The following BNC2 variants were observed in gnomAD, a reference collection of about 807,000 sequenced individuals.
The protein encoded by BNC2 is basonuclin zinc finger protein 2.
Under a neutral mutation model 76.3 loss-of-function variants are expected in BNC2, and 20 were observed. The observed-to-expected ratio is 0.26, with a 90% CI of 0.18 to 0.38. BNC2 has a LOEUF of 0.38. Among genes scored for constraint, BNC2 ranks in the 10% least tolerant of loss-of-function variants. BNC2 has a pLI of 1.00. For synonymous variants in BNC2, 582 were observed against 514.8 expected, an observed-to-expected ratio of 1.13 and a Z score of -1.77; for missense variants, 1,382 against 1,399.8, an observed-to-expected ratio of 0.99 and a Z score of 0.20.
intron 1 of BNC2, among the ~76,000 whole-genome samples, chr9:16,781,822 G>A (rs1403254801): frequency 6.6e-6 from 1 of 152,014 alleles, no homozygotes; most frequent in Non-Finnish European, 1.5e-5. Context: ...CCAATGATAT[G>A]AACACAATGT....
chr9:16,779,749 T>C (rs1251485991), intron 1 of BNC2, among the ~76,000 whole-genome samples: 1 of 152,164 alleles, frequency 6.6e-6, no homozygotes, highest in African/African-American at 2.4e-5. Flanking sequence ...TATAGTATAA[T>C]TCCATTTGTA....
intron 4 of BNC2, among the ~76,000 whole-genome samples, chr9:16,569,502 T>C (rs1587183126): frequency 6.6e-6 from 1 of 152,110 alleles, no homozygotes; most frequent in African/African-American, 2.4e-5. Context: ...TGAATGGCAT[T>C]TCCCCCTGTG....
intron 5 of BNC2, among the ~76,000 whole-genome samples, chr9:16,463,835 T>A (rs1229924339): frequency 1.3e-5 from 2 of 151,904 alleles, no homozygotes; most frequent in Non-Finnish European, 2.9e-5. Context: ...GTGGCTCATG[T>A]CTGTAATCCC....
intron 1 of BNC2, among the ~76,000 whole-genome samples, chr9:16,852,522 G>C (rs1394034616): frequency 2.0e-5 from 3 of 152,174 alleles, no homozygotes; most frequent in African/African-American, 4.8e-5. Flanking sequence ...AATATTTGTT[G>C]AGTGTTGCTA....
At chr9:16,469,490 A>C (rs1821773314) in intron 5 of BNC2, among the ~76,000 whole-genome samples, 1 of 152,230 alleles carries the variant, frequency 6.6e-6, no homozygotes, top group Admixed American at 6.5e-5. Flanking sequence ...AGGCCTCCTT[A>C]GCCATGGGGA....
intron 1 of BNC2, among the ~76,000 whole-genome samples, chr9:16,845,049 C>T (rs1818933476): frequency 6.6e-6 from 1 of 152,114 alleles, no homozygotes; most frequent in African/African-American, 2.4e-5. Flanking sequence ...GCCTAAACCC[C>T]CTCCACCTGT....
chr9:16,590,624 T>C (rs1819899611), intron 3 of BNC2, among the ~76,000 whole-genome samples: 1 of 152,032 alleles, frequency 6.6e-6, no homozygotes, highest in Non-Finnish European at 1.5e-5. Flanking sequence ...CTGGACAACA[T>C]GGCGAAACCT....
At chr9:16,870,569 C>T in intron 1 of BNC2, 77 bp downstream of exon 1, 1 of 1,562,192 alleles carries the variant, frequency 6.4e-7, no homozygotes, top group Non-Finnish European at 8.7e-7. Context: ...CCCGGGCGGC[C>T]CCGGTGGCGC....
intron 5 of BNC2, among the ~76,000 whole-genome samples, chr9:16,547,711 C>G (rs1275790470): frequency 1.3e-5 from 2 of 152,162 alleles, no homozygotes; most frequent in African/African-American, 2.4e-5. Flanking sequence ...GTAAGGTATT[C>G]CAGGCAGAAG....
chr9:16,482,533 C>T (rs1822079295), intron 5 of BNC2, among the ~76,000 whole-genome samples: 1 of 152,098 alleles, frequency 6.6e-6, no homozygotes, highest in Non-Finnish European at 1.5e-5. Context: ...AAATTGTAAG[C>T]TAGCACCGAT....
chr9:16,616,514 T>C (rs1043187681), intron 3 of BNC2, among the ~76,000 whole-genome samples: 1 of 151,228 alleles, frequency 6.6e-6, no homozygotes, highest in Non-Finnish European at 1.5e-5. Context: ...GTGGGCAATA[T>C]TGCAAGACCC....
chr9:16,481,472 C>T (rs1822054824), intron 5 of BNC2, among the ~76,000 whole-genome samples: 1 of 152,236 alleles, frequency 6.6e-6, no homozygotes, highest in Non-Finnish European at 1.5e-5. Context: ...AGACCACGAG[C>T]CCACTAGAAG....
intron 1 of BNC2, among the ~76,000 whole-genome samples, chr9:16,748,133 A>C (rs1280875805): frequency 6.6e-6 from 1 of 152,216 alleles, no homozygotes; most frequent in Non-Finnish European, 1.5e-5. Flanking sequence ...GAAAAACAGG[A>C]GAAAGAGAGA....
chr9:16,849,159 C>G (rs1055667973), intron 1 of BNC2, among the ~76,000 whole-genome samples: 4 of 151,908 alleles, frequency 2.6e-5, no homozygotes, highest in African/African-American at 9.7e-5. Flanking sequence ...AATGAAGAAA[C>G]AAATGTAAAA....
chr9:16,836,941 T>C (rs1208480807), intron 1 of BNC2, among the ~76,000 whole-genome samples: 1 of 152,116 alleles, frequency 6.6e-6, no homozygotes, highest in Non-Finnish European at 1.5e-5. Context: ...TAAAAGGTAT[T>C]CAACTTACAC....
At chr9:16,473,938 G>GT (rs1258875080) in intron 5 of BNC2, among the ~76,000 whole-genome samples, 1 of 152,102 alleles carries the variant, frequency 6.6e-6, no homozygotes, top group Non-Finnish European at 1.5e-5. Flanking sequence ...ACTTAAAAGT[G>GT]TTTTCAGATC....
intron 5 of BNC2, among the ~76,000 whole-genome samples, chr9:16,473,751 T>A (rs1456471217): frequency 2.0e-5 from 3 of 152,160 alleles, no homozygotes; most frequent in African/African-American, 7.2e-5. Context: ...TGTACTCCTG[T>A]AGTCCCAGCT....
intron 1 of BNC2, among the ~76,000 whole-genome samples, chr9:16,808,329 A>G (rs1817961509): frequency 6.6e-6 from 1 of 152,128 alleles, no homozygotes; most frequent in Admixed American, 6.6e-5. Context: ...GACAAACAGC[A>G]GAGCCTAGAA....
intron 5 of BNC2, among the ~76,000 whole-genome samples, chr9:16,529,421 A>C (rs1461712402): frequency 6.6e-6 from 1 of 152,196 alleles, no homozygotes; most frequent in Admixed American, 6.5e-5. Flanking sequence ...TCTCTACAAA[A>C]AGGGGCTATG....
Sources: gnomAD v4.1 joint callset for allele counts (sites outside exome capture counted in the v4.1 genomes callset) on GRCh38, gnomAD v4.1.1 for gene constraint, MANE v1.5 for transcripts, NCBI Gene and HGNC (gene_info 2026-07-23, HGNC 2026-07-21) for gene names.